The following DUSP26 variants were observed in gnomAD, a reference collection of about 807,000 sequenced individuals.
DUSP26 encodes the protein dual specificity protein phosphatase 26.
A neutral mutation model predicts 20.0 loss-of-function variants in DUSP26; 12 were observed. That is an observed-to-expected ratio of 0.60 (90% CI 0.38 to 0.97). DUSP26 has a LOEUF of 0.97. DUSP26 is among the 50% of genes least tolerant of loss of function. The probability of loss-of-function intolerance (pLI) is 0.00; values close to 1 mark genes in which losing one functional copy is unlikely to be tolerated. For synonymous variants in DUSP26, 120 were observed against 118.8 expected (o/e 1.01, Z -0.06); for missense variants, 230 against 294.0 (o/e 0.78, Z 1.59).
Position 33,597,090 on chromosome 8 carries a change from T to A in DUSP26, c.221+205A>T, listed in dbSNP as rs1585379919. On this transcript the variant is annotated intron_variant, in intron 2 of 3. Transcript: ENST00000256261. ...CTGGGATCACAGGCAAGAGACACTG[T>A]GACTGGCCAGAGTTGGGCATTTCAA... Among the ~76,000 whole-genome samples the A allele has an allele frequency of 4.6e-5, 7 of 152,248 alleles. No individual in the cohort carries two copies. The South Asian group carries it at 1.5e-3, about 32-fold the overall frequency.
chr8:33,594,442 A>G (rs553251035), intron 2 of DUSP26, among the ~76,000 whole-genome samples: 14 of 151,664 alleles, frequency 9.2e-5, no homozygotes, highest in Admixed American at 6.6e-4. Context: ...AATAGAAAAA[A>G]TTAGCTGGGT....
intron 1 of DUSP26, among the ~76,000 whole-genome samples, chr8:33,598,703 G>A (rs1199468758): frequency 6.6e-6 from 1 of 152,174 alleles, no homozygotes; most frequent in African/African-American, 2.4e-5. Flanking sequence ...ACCAGCGTTT[G>A]AGGCTTGCCC....
At chr8:33,592,258 C>T (rs1585376259) in intron 3 of DUSP26, 46 bp from the exon 4 acceptor site, 8 of 1,512,808 alleles carry the variant, frequency 5.3e-6, no homozygotes, top group Non-Finnish European at 7.1e-6. Context: ...CTTGTGGCAG[C>T]TTGGAGGAGG....
intron 2 of DUSP26, 24 bp downstream of exon 2, chr8:33,597,271 G>T: frequency 6.3e-7 from 1 of 1,590,112 alleles, no homozygotes; most frequent in Non-Finnish European, 8.6e-7. Context: ...GCTCTACCGT[G>T]GGCCCAGTCT....
At position 33,596,548 on chromosome 8, in the gene DUSP26, C is replaced by T. The variant is rs1391579563; in HGVS notation, c.221+747G>A. ...AGAGAACCAAGATCGCGCCACTGCA[C>T]TCCAGCCTGGGTGACAGAGTGATAC... On this transcript the variant is annotated intron_variant, in intron 2 of 3. Coordinates refer to ENST00000256261, the MANE Select transcript of DUSP26 (RefSeq NM_024025.3). Among the ~76,000 whole-genome samples the T allele has an allele frequency of 2.0e-5, 3 of 152,308 alleles. No homozygotes were observed. In the East Asian group the frequency reaches 5.8e-4, roughly 29 times the overall value.
intron 2 of DUSP26, 70 bp from the exon 3 acceptor site, chr8:33,593,817 C>T: frequency 6.5e-7 from 1 of 1,539,802 alleles, no homozygotes; most frequent in Non-Finnish European, 8.9e-7. Context: ...TTGTCTACAC[C>T]CTGTTAACTT....
rs978968671 is a variant in DUSP26 at position 33,591,791 on chromosome 8, T to G, written c.*222A>C. The G allele has an allele frequency of 5.2e-6, 3 of 572,052 alleles. No individual in the cohort carries two copies. The highest frequency in any genetic ancestry group is 9.3e-6 in the Non-Finnish European group (3 of 323,854). 35.4% of individuals were successfully genotyped at this position (572,052 alleles called of 1,614,324 possible). A position where few individuals can be genotyped will look rare whatever the true frequency, so the allele number is the denominator to read the frequency against. On this transcript the variant is annotated 3_prime_UTR_variant, in exon 4 of 4. Transcript: ENST00000256261. ...TTCCATCTACAGCCTAGCTGCCTCC[T>G]TCCCTGGTCAACCCTTCCTGGGTGC...
Position 33,591,803 on chromosome 8 carries a change from C to T in DUSP26, c.*210G>A. 1 of 590,522 alleles carries T rather than the reference C, an allele frequency of 1.7e-6. No individual in the cohort carries two copies. Among genetic ancestry groups the T allele is most frequent in the Non-Finnish European group, 3.0e-6 (1 of 337,964 alleles). 36.6% of individuals were successfully genotyped at this position (590,522 alleles called of 1,614,324 possible). A position where few individuals can be genotyped will look rare whatever the true frequency, so the allele number is the denominator to read the frequency against. On this transcript the variant is annotated 3_prime_UTR_variant, in exon 4 of 4. Transcript: ENST00000256261. Reference sequence around the variant, plus strand: ...CCTAGCTGCCTCCTTCCCTGGTCAACCCTTCCTGGGTGCCCATCCACCACA... The same window carrying T: ...CCTAGCTGCCTCCTTCCCTGGTCAATCCTTCCTGGGTGCCCATCCACCACA...
At chr8:33,593,833 A>G (rs1032314515) in intron 2 of DUSP26, 86 bp from the exon 3 acceptor site, 6 of 1,472,310 alleles carry the variant, frequency 4.1e-6, no homozygotes, top group Admixed American at 1.9e-5. Context: ...AACTTCCTGA[A>G]TCCTATTGTT....
At chr8:33,597,669 G>A (rs1811180515) in intron 1 of DUSP26, 78 bp from the exon 2 acceptor site, 1 of 639,628 alleles carries the variant, frequency 1.6e-6, no homozygotes, top group South Asian at 2.1e-5. Context: ...GGTCCTTCGG[G>A]AGAAGATTCT....
intron 2 of DUSP26, 89 bp downstream of exon 2, chr8:33,597,206 C>T (rs1179492691): frequency 3.2e-6 from 4 of 1,258,056 alleles, no homozygotes; most frequent in African/African-American, 1.5e-5. Context: ...CCAATGACAC[C>T]ACTGCATACC....
chr8:33,594,918 T>A (rs994305005), intron 2 of DUSP26, among the ~76,000 whole-genome samples: 4 of 152,074 alleles, frequency 2.6e-5, no homozygotes, highest in Admixed American at 2.0e-4. Flanking sequence ...GAGATGGGAT[T>A]TCATCGTGTT....
intron 2 of DUSP26, among the ~76,000 whole-genome samples, chr8:33,595,143 G>A (rs1018247693): frequency 2.6e-5 from 4 of 152,152 alleles, no homozygotes; most frequent in African/African-American, 9.7e-5. Flanking sequence ...AGAAAGAGGA[G>A]ATGGCCATGT....
Position 33,597,569 on chromosome 8 carries a change from G to T in DUSP26, c.-54C>A, listed in dbSNP as rs1585380433. 1.3e-6 allele frequency: 2 copies of T among 1,501,116 alleles called. No individual in the cohort carries two copies. Among genetic ancestry groups the T allele is most frequent in the East Asian group, 4.5e-5 (2 of 44,088 alleles). 93.0% of individuals were successfully genotyped at this position (1,501,116 alleles called of 1,614,324 possible). Reference sequence around the variant, plus strand: ...GCAGGAGTGGCTGTGGTGATGATGGGTTCAGTTGCCAGGTAGCTGCTGCTG... The same window carrying T: ...GCAGGAGTGGCTGTGGTGATGATGGTTTCAGTTGCCAGGTAGCTGCTGCTG... On this transcript the variant is annotated 5_prime_UTR_variant, in exon 2 of 4. Transcript: ENST00000256261.
At chr8:33,599,461 G>C (rs1268615298) in intron 1 of DUSP26, among the ~76,000 whole-genome samples, 23 of 152,056 alleles carry the variant, frequency 1.5e-4, no homozygotes, top group Admixed American at 1.5e-3. Context: ...TTTGTAACAG[G>C]TCCATGGCTG....
At chr8:33,592,559 A>AAAAAAAGGGT (rs1811047236) in intron 3 of DUSP26, among the ~76,000 whole-genome samples, 6 of 150,568 alleles carry the variant, frequency 4.0e-5, no homozygotes, top group Non-Finnish European at 8.9e-5. Flanking sequence ...AAAAAAAAAA[A>AAAAAAAGGGT]AAAAAAGGGT....
At chr8:33,598,707 C>T (rs754368156) in intron 1 of DUSP26, among the ~76,000 whole-genome samples, 2 of 152,288 alleles carry the variant, frequency 1.3e-5, no homozygotes, top group Non-Finnish European at 2.9e-5. Context: ...GCGTTTGAGG[C>T]TTGCCCTGGG....
rs1228238536 is a variant in DUSP26, at chr8:33,591,687, G to A, written c.*326C>T. On this transcript the variant is annotated 3_prime_UTR_variant, in exon 4 of 4. Transcript: ENST00000256261. ...GTGAGGGAGAGAGGGAAACACTTGGGCACAAAGAGGGGAAGGGACTGTGAA... is the reference window on the plus strand; with the variant it reads ...GTGAGGGAGAGAGGGAAACACTTGGACACAAAGAGGGGAAGGGACTGTGAA... The A allele has an allele frequency of 1.2e-5, 4 of 339,518 alleles. No individual in the cohort carries two copies. Among genetic ancestry groups the A allele is most frequent in the African/African-American group, 6.5e-5 (3 of 45,994 alleles). 21.0% of individuals were successfully genotyped at this position (339,518 alleles called of 1,614,324 possible).
chr8:33,591,884 C>A lies in DUSP26; in HGVS notation c.*129G>T. The A allele has an allele frequency of 9.5e-7, 1 of 1,057,326 alleles. No homozygotes were observed. Among genetic ancestry groups the A allele is most frequent in the Non-Finnish European group, 1.3e-6 (1 of 743,980 alleles). The allele number at this position is 1,057,326 out of a possible 1,614,324, so 65.5% of individuals were successfully genotyped here. ...CAAAGAGTGACAGTGGCCTGGGGCTCGGCCTCTCCTGACCCCAGGGGAGGA... is the reference window on the plus strand; with the variant it reads ...CAAAGAGTGACAGTGGCCTGGGGCTAGGCCTCTCCTGACCCCAGGGGAGGA... On this transcript the variant is annotated 3_prime_UTR_variant, in exon 4 of 4. Coordinates refer to ENST00000256261, the MANE Select transcript of DUSP26 (RefSeq NM_024025.3).
Sources: gnomAD v4.1 joint callset for allele counts (sites outside exome capture counted in the v4.1 genomes callset) on GRCh38, gnomAD v4.1.1 for gene constraint, MANE v1.5 for transcripts, NCBI Gene and HGNC (gene_info 2026-07-23, HGNC 2026-07-21) for gene names.